DIP2C: variants seen among roughly 807,000 people sequenced by gnomAD.
The protein encoded by DIP2C is disco-interacting protein 2 homolog C.
DIP2C carries 33 observed loss-of-function variants against 192.4 expected under a neutral mutation model. The ratio of observed to expected loss-of-function variants is 0.17; its 90% CI spans 0.13 to 0.23. The LOEUF is 0.23. Among genes scored for constraint, DIP2C ranks in the 10% least tolerant of loss-of-function variants. DIP2C has a pLI of 1.00. For synonymous variants in DIP2C, 979 were observed against 864.1 expected (o/e 1.13, Z -2.33); for missense variants, 1,537 against 2,110.1 (o/e 0.73, Z 5.32).
chr10:289,605 T>C (rs1417138180), intron 32 of DIP2C, among the ~76,000 whole-genome samples: 8 of 152,144 alleles, frequency 5.3e-5, no homozygotes, highest in East Asian at 1.9e-4. Flanking sequence ...CCCACTCTTA[T>C]GCACTCGACA....
At chr10:606,639 GC>G (rs1258173707) in intron 1 of DIP2C, among the ~76,000 whole-genome samples, 5 of 152,198 alleles carry the variant, frequency 3.3e-5, no homozygotes, top group African/African-American at 9.7e-5. Context: ...GGATCTCATG[GC>G]CCCACTGCTG....
At chr10:580,523 A>G (rs1382023066) in intron 1 of DIP2C, among the ~76,000 whole-genome samples, 1 of 152,224 alleles carries the variant, frequency 6.6e-6, no homozygotes, top group African/African-American at 2.4e-5. Context: ...AGTTATGCAC[A>G]TATGTACACA....
chr10:444,938 A>G (rs1016733635), intron 3 of DIP2C, among the ~76,000 whole-genome samples: 3 of 152,232 alleles, frequency 2.0e-5, no homozygotes, highest in Admixed American at 1.3e-4. Context: ...CTTGGTGAAC[A>G]TCTACAGCAT....
chr10:443,300 C>T (rs1038960447), intron 3 of DIP2C, among the ~76,000 whole-genome samples: 1 of 152,196 alleles, frequency 6.6e-6, no homozygotes, highest in African/African-American at 2.4e-5. Context: ...AATATTTACT[C>T]ATTTTATCTT....
At chr10:296,943 C>T (rs981915827) in intron 32 of DIP2C, among the ~76,000 whole-genome samples, 23 of 150,592 alleles carry the variant, frequency 1.5e-4, no homozygotes, top group South Asian at 6.3e-4. Context: ...ATGTAAATGA[C>T]GAGTTAATGG....
intron 1 of DIP2C, among the ~76,000 whole-genome samples, chr10:497,490 G>C (rs1844918599): frequency 6.6e-6 from 1 of 152,230 alleles, no homozygotes; most frequent in African/African-American, 2.4e-5. Context: ...CAATGGGGCA[G>C]CTCTGGACAG....
chr10:472,327 G>A (rs187148794), intron 3 of DIP2C, 112 bp downstream of exon 3: 76 of 910,626 alleles, frequency 8.3e-5, no homozygotes, highest in Non-Finnish European at 9.8e-5. Context: ...GGCCCCTCGC[G>A]TGCTGCAGGT....
chr10:297,024 A>C (rs1296141885), intron 32 of DIP2C, among the ~76,000 whole-genome samples: 1 of 151,852 alleles, frequency 6.6e-6, no homozygotes, highest in Admixed American at 6.6e-5. Context: ...GTACCCTAGA[A>C]CTTAAAGTAT....
chr10:594,708 C>T (rs1851602696), intron 1 of DIP2C, among the ~76,000 whole-genome samples: 1 of 152,174 alleles, frequency 6.6e-6, no homozygotes, highest in Non-Finnish European at 1.5e-5. Context: ...TAGTGAAGGG[C>T]AGGTCTCGTC....
chr10:363,155 A>G lies in DIP2C; in HGVS notation c.2592+42T>C, dbSNP rs779682294. 1.0e-5 allele frequency: 16 copies of G among 1,573,108 alleles called. No individual in the cohort carries two copies. Among genetic ancestry groups the G allele is most frequent in the Non-Finnish European group, 1.4e-5 (16 of 1,147,360 alleles). ...TCTGAATGAAGTAAGGAGGCCAGAAACAAGACACAGGGGACCAGTGCCCAG... is the reference window on the plus strand; with the variant it reads ...TCTGAATGAAGTAAGGAGGCCAGAAGCAAGACACAGGGGACCAGTGCCCAG... On this transcript the variant is annotated intron_variant, in intron 21 of 36. Transcript: ENST00000280886. This position sits in a 1 kb window ranked among gnomAD's most constrained non-coding sequence, Gnocchi z 5.4.
intron 3 of DIP2C, among the ~76,000 whole-genome samples, chr10:470,697 AAC>A (rs1970558835): frequency 6.6e-6 from 1 of 152,178 alleles, no homozygotes; most frequent in African/African-American, 2.4e-5. Flanking sequence ...GAATGTAGGA[AAC>A]ACGCAGTGGC....
chr10:304,164 G>A lies in DIP2C; in HGVS notation c.3986+5867C>T, dbSNP rs139029293. 2.0e-4 allele frequency among the ~76,000 whole-genome samples: 30 copies of A among 152,300 alleles called. 1 individual carries two copies. The East Asian group carries it at 5.0e-3, about 25-fold the overall frequency. On this transcript the variant is annotated intron_variant, in intron 32 of 36. Transcript: ENST00000280886. ...ATTATCACAGTCCAGTATTATGCAC[G>A]TACTGTGTATGATCCTACATGCTAT...
intron 3 of DIP2C, among the ~76,000 whole-genome samples, chr10:461,819 T>C (rs1564741532): frequency 1.3e-5 from 2 of 152,178 alleles, no homozygotes; most frequent in African/African-American, 2.4e-5. Flanking sequence ...ATGGAAATCA[T>C]AACAAACAGT....
intron 4 of DIP2C, among the ~76,000 whole-genome samples, chr10:438,420 AAC>A (rs929975972): frequency 1.1e-4 from 17 of 152,264 alleles, no homozygotes; most frequent in African/African-American, 3.9e-4. Flanking sequence ...TTACACAAAG[AAC>A]ACATACAAAT....
At chr10:424,850 A>G (rs56741936) in intron 4 of DIP2C, among the ~76,000 whole-genome samples, 12 of 152,344 alleles carry the variant, frequency 7.9e-5, no homozygotes, top group African/African-American at 2.6e-4. Context: ...AGAAACCTGA[A>G]GGATAATATG....
intron 17 of DIP2C, among the ~76,000 whole-genome samples, chr10:381,422 C>T (rs1398106772): frequency 6.6e-6 from 1 of 152,114 alleles, no homozygotes; most frequent in Admixed American, 6.5e-5. Context: ...CTTTTCGGTC[C>T]TTCGGTGTGT....
At chr10:366,436 G>A (rs754908013) in intron 18 of DIP2C, 25 bp from the exon 19 acceptor site, 8 of 1,613,888 alleles carry the variant, frequency 5.0e-6, no homozygotes, top group South Asian at 2.2e-5. Flanking sequence ...GAAAGCACAT[G>A]CAGTGTGAGA....
chr10:670,243 T>C (rs1830553953), intron 1 of DIP2C, among the ~76,000 whole-genome samples: 1 of 152,168 alleles, frequency 6.6e-6, no homozygotes, highest in Non-Finnish European at 1.5e-5. Context: ...CACACGCATA[T>C]GCACACACGT....
chr10:302,908 G>A (rs1589428156), intron 32 of DIP2C, among the ~76,000 whole-genome samples: 1 of 152,170 alleles, frequency 6.6e-6, no homozygotes, highest in South Asian at 2.1e-4. Context: ...CGTGGCTGTA[G>A]ACTCTGTAAA....
Sources: gnomAD v4.1 joint callset for allele counts (sites outside exome capture counted in the v4.1 genomes callset) on GRCh38, gnomAD v4.1.1 for gene constraint, Gnocchi (gnomAD v3.1) non-coding constraint, MANE v1.5 for transcripts, NCBI Gene and HGNC (gene_info 2026-07-23, HGNC 2026-07-21) for gene names.